The following KLK10 variants were observed in gnomAD, a reference collection of about 807,000 sequenced individuals.
KLK10 encodes the protein kallikrein related peptidase 10, also known as kallikrein-10.
Under a neutral mutation model 25.7 loss-of-function variants are expected in KLK10, and 27 were observed. That is an observed-to-expected ratio of 1.05 (90% CI 0.77 to 1.45). The LOEUF is 1.45. KLK10 is among the 40% of genes most tolerant of loss of function. The pLI, the probability that KLK10 is intolerant of heterozygous loss-of-function variation, is 0.00. For missense variants in KLK10, 386 were observed against 370.0 expected, an observed-to-expected ratio of 1.04 and a Z score of -0.35; for synonymous variants, 173 against 160.1, an observed-to-expected ratio of 1.08 and a Z score of -0.61.
Position 51,014,864 on chromosome 19 carries a change from G to A in KLK10, c.767C>T (p.Pro256Leu), listed in dbSNP as rs549503027. Residue 256 changes from proline to leucine, a missense_variant, in exon 6 of 6, where the codon CCA (proline) becomes CTA (leucine). Physicochemically the swap from Pro to Leu is moderately conservative, Grantham distance 98. Transcript: ENST00000358789. ...GVYPCGSAQH[P>L]AVYTQICKYM... is the part of the protein sequence containing the mutation. ...TTTGCAGATCTGGGTGTAGACAGCT[G>A]GATGCTGGGCAGAGCCACAGGGGTA... is the stretch of plus-strand genomic sequence containing the variant. 77 of 1,614,096 alleles carry A rather than the reference G, an allele frequency of 4.8e-5. 1 individual carries two copies. The Admixed American group carries it at 8.2e-4, about 17-fold the overall frequency.
chr19:51,014,951 C>T lies in KLK10; in HGVS notation c.680G>A (p.Ser227Asn). The T allele has an allele frequency of 6.2e-7, 1 of 1,612,418 alleles. No individual in the cohort carries two copies. The highest frequency in any genetic ancestry group is 1.1e-5 in the South Asian group (1 of 90,896). Residue 227 changes from serine to asparagine, a missense_variant and splice_region_variant, in exon 6 of 6, where the codon AGT becomes AAT. Physicochemically the swap from Ser to Asn is conservative, Grantham distance 46. Coordinates refer to ENST00000358789, the MANE Select transcript of KLK10 (RefSeq NM_145888.3). ...ACAGACCAGGGGGCCTCCAGAGTCA[C>T]TCTGGGGGTGGCAGGAAGGAGAGAT... ...GLDRGQDPCQ[S>N]DSGGPLVCDE... is the part of the protein sequence containing the mutation.
At chr19:51,015,132 G>T (rs977776956) in intron 5 of KLK10, among the ~76,000 whole-genome samples, 180 bp from the exon 6 acceptor site, 1 of 152,066 alleles carries the variant, frequency 6.6e-6, no homozygotes, top group African/African-American at 2.4e-5. Context: ...GGTTATGGGA[G>T]GTTGGGCTGG....
rs760434630 is a variant in KLK10 at position 51,017,210 on chromosome 19, G to C, written c.169C>G (p.Gln57Glu). The C allele has an allele frequency of 2.9e-5, 47 of 1,612,092 alleles. No individual in the cohort carries two copies. Among genetic ancestry groups the C allele is most frequent in the Non-Finnish European group, 5.1e-6 (6 of 1,179,590 alleles). Reference protein sequence around the residue: ...AYGSPCARGSQPWQVSLFNGL... With the variant: ...AYGSPCARGSEPWQVSLFNGL... The stretch of plus-strand genomic sequence containing the variant: ...TTGAAGAGCGAGACCTGCCAGGGCT[G>C]CGAGCCGCGCGCGCACGGGGAGCCA... Residue 57 changes from glutamine to glutamate, a missense_variant, in exon 3 of 6, where the codon CAG becomes GAG. Coordinates refer to ENST00000358789, the MANE Select transcript of KLK10 (RefSeq NM_145888.3).
In KLK10 at chr19:51,014,940, C is replaced by T. The variant is rs772335801; in HGVS notation, c.691G>A (p.Gly231Ser). The T allele has an allele frequency of 2.5e-6, 4 of 1,613,446 alleles. No homozygotes were observed. The East Asian group carries it at 8.9e-5, about 36-fold the overall frequency. The stretch of plus-strand genomic sequence containing the variant: ...AGGGTCTCGTCACAGACCAGGGGGC[C>T]TCCAGAGTCACTCTGGGGGTGGCAG... ...GQDPCQSDSGGPLVCDETLQG... is the reference protein window; with the variant it reads ...GQDPCQSDSGSPLVCDETLQG... Residue 231 changes from glycine to serine, a missense_variant, in exon 6 of 6, where the codon GGC becomes AGC. By Grantham distance (56) the Gly-to-Ser change is moderately conservative (BLOSUM62 0). Coordinates refer to ENST00000358789, the MANE Select transcript of KLK10 (RefSeq NM_145888.3).
At chr19:51,017,364 C>T (rs2091344120) in intron 2 of KLK10, 74 bp from the exon 3 acceptor site, 12 of 1,375,008 alleles carry the variant, frequency 8.7e-6, no homozygotes, top group Admixed American at 7.7e-5. Context: ...TGGGCTGTGG[C>T]ACTGGACTGC....
intron 2 of KLK10, among the ~76,000 whole-genome samples, chr19:51,018,162 C>T (rs549992721): frequency 5.2e-3 from 94 of 17,910 alleles, no homozygotes; most frequent in South Asian, 0.024. Context: ...ACTGCCCTGT[C>T]TCAAAAAAAA....
Position 51,015,541 on chromosome 19 carries a change from T to C in KLK10, c.554A>G (p.Asn185Ser), listed in dbSNP as rs1374217438. 3 of 1,613,634 alleles carry C rather than the reference T, an allele frequency of 1.9e-6. No individual in the cohort carries two copies. The highest frequency in any genetic ancestry group is 2.2e-5 in the South Asian group (2 of 91,076). Residue 185 changes from asparagine to serine, a missense_variant, in exon 5 of 6, where the codon AAC becomes AGC. Transcript: ENST00000358789. ...GTTAARRVKY[N>S]KGLTCSSITI... ...GATGCTGGAGCAGGTCAGGCCCTTG[T>C]TGTACTTCACTGAAGGGAGAATATG...
chr19:51,017,062 C>A (rs911565952), intron 3 of KLK10, 48 bp downstream of exon 3: 4 of 1,489,992 alleles, frequency 2.7e-6, no homozygotes, highest in Non-Finnish European at 3.6e-6. Context: ...CCCTGGAGGC[C>A]GCCTCCACAG....
At position 51,019,163 on chromosome 19, in the gene KLK10, G is replaced by A; in HGVS notation, c.-9-24C>T. On this transcript the variant is annotated intron_variant, in intron 1 of 5. Transcript: ENST00000358789. The surrounding 1 kb of genome is among the most constrained non-coding windows in gnomAD (Gnocchi z 4.2). ...ATCTGCTGGGGTGTGTGCAGGGGCG[G>A]GTTAAAACAGATGCTCCGTTAGAGA... 6.6e-7 allele frequency: 1 copy of A among 1,524,540 alleles called. No individual in the cohort carries two copies. The highest frequency in any genetic ancestry group is 1.8e-4 in the Middle Eastern group (1 of 5,584). 94.4% of individuals were successfully genotyped at this position (1,524,540 alleles called of 1,614,324 possible). A position where few individuals can be genotyped will look rare whatever the true frequency, so the allele number is the denominator to read the frequency against.
At position 51,014,666 on chromosome 19, in the gene KLK10, C is replaced by A. The variant is rs895249577; in HGVS notation, c.*134G>T. 3.8e-6 allele frequency: 3 copies of A among 789,174 alleles called. No homozygotes were observed. The East Asian group carries it at 7.6e-5, about 20-fold the overall frequency. The allele number at this position is 789,174 out of a possible 1,614,324, so 48.9% of individuals were successfully genotyped here. On this transcript the variant is annotated 3_prime_UTR_variant, in exon 6 of 6. Transcript: ENST00000358789. ...GGGAGATGTTTAGAGGTGTGGAGGG[C>A]GGCAGAGGTTTGAACAGTGCAGACA...
chr19:51,016,020 G>A lies in KLK10; in HGVS notation c.406C>T (p.His136Tyr), dbSNP rs746732310. ...GPILPRRTDE[H>Y]DLMLLKLARP... The stretch of plus-strand genomic sequence containing the variant: ...GCCAGCTTCAGCAACATGAGATCGT[G>A]CTCATCCGTTCGCCTTGGCAGGATG... Residue 136 changes from histidine (H) to tyrosine (Y), a missense_variant, in exon 4 of 6, where the codon CAC becomes TAC. Physicochemically the swap from His to Tyr is moderately conservative, Grantham distance 83 (BLOSUM62 2). Transcript: ENST00000358789. The A allele has an allele frequency of 1.3e-6, 2 of 1,566,352 alleles. No individual in the cohort carries two copies. The highest frequency in any genetic ancestry group is 1.7e-6 in the Non-Finnish European group (2 of 1,155,452).
chr19:51,018,790 C>A, intron 2 of KLK10: 1 of 553,332 alleles, frequency 1.8e-6, no homozygotes, highest in Non-Finnish European at 3.2e-6. Flanking sequence ...AGAAAGAACG[C>A]GGCGAAGAGT....
intron 2 of KLK10, 88 bp downstream of exon 2, chr19:51,018,955 G>A: frequency 3.0e-6 from 3 of 996,380 alleles, no homozygotes; most frequent in Non-Finnish European, 4.5e-6. Context: ...GGGAGGAGAG[G>A]TGCGCGGGGC....
chr19:51,015,388 G>A, intron 5 of KLK10, 29 bp downstream of exon 5: 1 of 1,604,952 alleles, frequency 6.2e-7, no homozygotes, highest in Non-Finnish European at 8.5e-7. Context: ...CCTCCCAGGA[G>A]TCAGAGACTC....
At position 51,014,695 on chromosome 19, in the gene KLK10, G is replaced by A; in HGVS notation, c.*105C>T. The A allele has an allele frequency of 8.4e-7, 1 of 1,193,240 alleles. No homozygotes were observed. Among genetic ancestry groups the A allele is most frequent in the Admixed American group, 1.8e-5 (1 of 55,912 alleles). 73.9% of individuals were successfully genotyped at this position (1,193,240 alleles called of 1,614,324 possible). ...AGAGGTTTGAACAGTGCAGACAAGG[G>A]GAGAGTTCAGCCGACTGGGGAGGAA... On this transcript the variant is annotated 3_prime_UTR_variant, in exon 6 of 6. Transcript: ENST00000358789.
intron 4 of KLK10, 138 bp downstream of exon 4, chr19:51,015,744 A>G: frequency 9.2e-7 from 1 of 1,089,242 alleles, no homozygotes; most frequent in Non-Finnish European, 1.3e-6. Context: ...AGACTCACAG[A>G]CCCAGGCATC....
At position 51,015,979 on chromosome 19, in the gene KLK10, C is replaced by G; in HGVS notation, c.447G>C (p.Leu149=). The change falls in exon 4 of 6, where the codon CTG becomes CTC. Residue 149 remains leucine, a synonymous_variant. Transcript: ENST00000358789. ...GCTGCAGGGCCCGGACGCGGGGCCC[C>G]AGCACTACGGGCCTGGCCAGCTTCA... The part of the protein sequence containing the change: ...MLLKLARPVV[L]GPRVRALQLP... 2 of 1,578,196 alleles carry G rather than the reference C, an allele frequency of 1.3e-6. No homozygotes were observed. The highest frequency in any genetic ancestry group is 1.7e-6 in the Non-Finnish European group (2 of 1,162,514).
chr19:51,015,706 G>T, intron 4 of KLK10, 156 bp from the exon 5 acceptor site: 1 of 1,085,672 alleles, frequency 9.2e-7, no homozygotes, highest in Non-Finnish European at 1.3e-6. Context: ...AGACCCAGGA[G>T]TCCAGGCCCC....
chr19:51,014,938 G>A lies in KLK10; in HGVS notation c.693C>T (p.Gly231=), dbSNP rs572668090. The A allele has an allele frequency of 1.2e-6, 2 of 1,613,456 alleles. No individual in the cohort carries two copies. Among genetic ancestry groups the A allele is most frequent in the African/African-American group, 2.7e-5 (2 of 74,890 alleles). The change falls in exon 6 of 6, where the codon GGC becomes GGT. Residue 231 remains glycine (G), a synonymous_variant. Transcript: ENST00000358789. ...GGAGGGTCTCGTCACAGACCAGGGG[G>A]CCTCCAGAGTCACTCTGGGGGTGGC... is the stretch of plus-strand genomic sequence containing the variant. ...GQDPCQSDSG[G]PLVCDETLQG...
Sources: allele counts gnomAD v4.1 joint callset (sites outside exome capture counted in the v4.1 genomes callset), GRCh38; gene constraint gnomAD v4.1.1; non-coding constraint Gnocchi (gnomAD v3.1); transcripts MANE v1.5; gene names NCBI Gene and HGNC (gene_info 2026-07-23, HGNC 2026-07-21).